The following ISLR2 variants were observed in gnomAD, a reference collection of about 807,000 sequenced individuals.
ISLR2 encodes the protein immunoglobulin superfamily containing leucine rich repeat 2.
A neutral mutation model predicts 25.5 loss-of-function variants in ISLR2; 16 were observed. The ratio of observed to expected loss-of-function variants is 0.63; its 90% CI spans 0.43 to 0.95. ISLR2 has a LOEUF of 0.95. ISLR2 is among the 40% of genes least tolerant of loss of function. ISLR2 has a pLI of 0.00. For missense variants in ISLR2, 883 were observed against 1,030.7 expected (o/e 0.86, Z 1.96); for synonymous variants, 508 against 486.6 (o/e 1.04, Z -0.58).
Position 74,121,229 on chromosome 15 carries a change from G to A in ISLR2, n.229-9978G>A, listed in dbSNP as rs553858597. Among the ~76,000 whole-genome samples, 16 of 152,240 alleles carry A rather than the reference G, an allele frequency of 1.1e-4. No homozygotes were observed. The East Asian group carries it at 1.4e-3, about 13-fold the overall frequency. On this transcript the variant is annotated intron_variant and non_coding_transcript_variant, in intron 2 of 3. Coordinates refer to the ISLR2 transcript ENST00000561975. ...GCCTGCACGGGGCTACCAGACAGCC[G>A]GAAGATATGTGGGTTGGACACAGTG...
chr15:74,102,414 ATAAAGT>A (rs1373410183), intron 1 of ISLR2, among the ~76,000 whole-genome samples: 11 of 140,316 alleles, frequency 7.8e-5, no homozygotes, highest in African/African-American at 2.7e-4. Context: ...AAATTCAGAA[ATAAAGT>A]TAAAAGGTGG....
downstream of ISLR2, chr15:74,138,662 T>C (rs748220150): frequency 6.6e-6 from 1 of 152,216 alleles, no homozygotes; most frequent in Non-Finnish European, 1.5e-5. Flanking sequence ...CCAAGAACTG[T>C]CAACAGCCCG....
At chr15:74,105,763 G>C (rs1215258331) in intron 2 of ISLR2, among the ~76,000 whole-genome samples, 5 of 152,054 alleles carry the variant, frequency 3.3e-5, no homozygotes, top group Admixed American at 1.3e-4. Context: ...CACCATTCCT[G>C]GAGGAAAAGC....
chr15:74,116,239 C>T (rs117223627), intron 2 of ISLR2, among the ~76,000 whole-genome samples: 2,019 of 151,962 alleles, frequency 0.013, 88 homozygotes, highest in East Asian at 0.12. Flanking sequence ...AAAGTTAACT[C>T]TGCAGATATG....
upstream of ISLR2, chr15:74,127,861 G>C (rs2072319462): frequency 1.3e-5 from 2 of 152,568 alleles, 1 homozygote; most frequent in Admixed American, 1.3e-4. Flanking sequence ...AAGCGGCCAG[G>C]GGCTCCAGCT....
chr15:74,133,852 G>A lies in ISLR2; in HGVS notation c.1098G>A (p.Thr366=), dbSNP rs747242170. The change falls in exon 3 of 3, where the codon ACG becomes ACA. Residue 366 remains threonine, a synonymous_variant. Transcript: ENST00000453268. ...ACAATGAGCTGGGCGCCAACTCTAC[G>A]TCAATACGCGTGGCGGTGGCAGCAA... The part of the protein sequence containing the change: ...RAHNELGANS[T]SIRVAVAATG... The A allele has an allele frequency of 1.2e-6, 2 of 1,613,258 alleles. No homozygotes were observed. The highest frequency in any genetic ancestry group is 1.7e-6 in the Non-Finnish European group (2 of 1,179,786).
In ISLR2 at chr15:74,118,964, A is replaced by T. The variant is rs149000246; in HGVS notation, n.229-12243A>T. ...GAGCCACCGCACCTGGCCTGCTTTT[A>T]TTATTTTTAATCTACACATAATTGT... On this transcript the variant is annotated intron_variant and non_coding_transcript_variant, in intron 2 of 3. Transcript: ENST00000561975. 6.7e-4 allele frequency among the ~76,000 whole-genome samples: 102 copies of T among 151,828 alleles called. 2 individuals carry two copies. The East Asian group carries it at 0.019, about 29-fold the overall frequency.
chr15:74,137,577 A>G (rs916759951), downstream of ISLR2, among the ~76,000 whole-genome samples: 1 of 152,252 alleles, frequency 6.6e-6, no homozygotes, highest in Non-Finnish European at 1.5e-5. Context: ...CAGGGGGATC[A>G]AGAAAGGAGA....
At chr15:74,117,324 T>G (rs2072218378) in intron 2 of ISLR2, among the ~76,000 whole-genome samples, 1 of 152,120 alleles carries the variant, frequency 6.6e-6, no homozygotes, top group South Asian at 2.1e-4. Context: ...GAAAACTGGG[T>G]AGGAAATTGC....
At position 74,133,306 on chromosome 15, in the gene ISLR2, C is replaced by T. The variant is rs2072472040; in HGVS notation, c.552C>T (p.His184=). 1 of 1,610,246 alleles carries T rather than the reference C, an allele frequency of 6.2e-7. No individual in the cohort carries two copies. The highest frequency in any genetic ancestry group is 8.5e-7 in the Non-Finnish European group (1 of 1,179,916). The change falls in exon 3 of 3, where the codon CAC becomes CAT. Residue 184 remains histidine (H), a synonymous_variant. Coordinates refer to ENST00000453268, the MANE Select transcript of ISLR2 (RefSeq NM_020851.3). ...TGCAACTCTATCACAATCCCTTCCA[C>T]TGCGGCTGCGGCCTTGTGTGGCTGC... is the stretch of plus-strand genomic sequence containing the variant. The part of the protein sequence containing the change: ...SHLQLYHNPF[H]CGCGLVWLQA...
At position 74,134,734 on chromosome 15, in the gene ISLR2, AGGCGGCGAGGCG is replaced by A. The variant is rs1263227527; in HGVS notation, c.1991_2002del (p.Ala664_Glu667del). On this transcript the variant is annotated inframe_deletion, in exon 3 of 3. Transcript: ENST00000453268. ...TCGAGTCCGAGAAAAGCTACCCGGC[AGGCGGCGAGGCG>A]GGCGGCGAGGAGCCAGAGGACGTGC... is the stretch of plus-strand genomic sequence containing the variant. 1.1e-5 allele frequency: 18 copies of A among 1,613,768 alleles called. No homozygotes were observed. In the African/African-American group the frequency reaches 2.4e-4, roughly 22 times the overall value.
At position 74,136,641 on chromosome 15, in the gene ISLR2, GAAAGAAAGCGT is replaced by G; in HGVS notation, c.*1650_*1660del. ...GGGGCGGGGTTCTTTTTTCCATTTT[GAAAGAAAGCGT>G]CGGGGTTGGGGTGGGGGGAGTTTCA... On this transcript the variant is annotated 3_prime_UTR_variant, in exon 3 of 3. Transcript: ENST00000453268. The G allele has an allele frequency of 6.2e-6, 1 of 161,734 alleles. No homozygotes were observed. The highest frequency in any genetic ancestry group is 6.6e-5 in the Admixed American group (1 of 15,250). The allele number at this position is 161,734 out of a possible 1,614,324, so 10.0% of individuals were successfully genotyped here.
At position 74,134,314 on chromosome 15, in the gene ISLR2, G is replaced by A. The variant is rs943408561; in HGVS notation, c.1560G>A (p.Pro520=). 2 of 1,528,732 alleles carry A rather than the reference G, an allele frequency of 1.3e-6. No individual in the cohort carries two copies. Among genetic ancestry groups the A allele is most frequent in the African/African-American group, 2.8e-5 (2 of 72,216 alleles). 94.7% of individuals were successfully genotyped at this position (1,528,732 alleles called of 1,614,324 possible). A position where few individuals can be genotyped will look rare whatever the true frequency, so the allele number is the denominator to read the frequency against. The part of the protein sequence containing the change: ...GPGPGGAGGA[P]RPGRRPLRLL... ...GGCCCGGCGGGGCTGGCGGAGCCCC[G>A]CGACCCGGGCGGCGACCCCTGCGCC... is the stretch of plus-strand genomic sequence containing the variant. The change falls in exon 3 of 3, where the codon CCG becomes CCA. Residue 520 remains proline, a synonymous_variant. Transcript: ENST00000453268.
At chr15:74,107,049 T>C (rs1436429820) in intron 2 of ISLR2, among the ~76,000 whole-genome samples, 2 of 151,904 alleles carry the variant, frequency 1.3e-5, no homozygotes, top group Admixed American at 6.6e-5. Context: ...AGGAGGTGCC[T>C]GCTGGAGGGA....
intron 2 of ISLR2, among the ~76,000 whole-genome samples, chr15:74,122,191 C>T (rs951975844): frequency 1.3e-5 from 2 of 152,248 alleles, no homozygotes; most frequent in African/African-American, 4.8e-5. Flanking sequence ...TGCTCTGTGA[C>T]CTCTCTTTGG....
At chr15:74,107,376 C>CAGGGCAGGGGCAGGG (rs894180873) in intron 2 of ISLR2, among the ~76,000 whole-genome samples, 1 of 152,184 alleles carries the variant, frequency 6.6e-6, no homozygotes, top group African/African-American at 2.4e-5. Flanking sequence ...GCAGGTGGGC[C>CAGGGCAGGGGCAGGG]CAGCAGGCTG....
intron 2 of ISLR2, among the ~76,000 whole-genome samples, chr15:74,114,145 C>T (rs571928978): frequency 3.7e-4 from 57 of 152,214 alleles, no homozygotes; most frequent in Middle Eastern, 3.2e-3. Context: ...AAAAACACAG[C>T]AGTCACTTCA....
intron 2 of ISLR2, among the ~76,000 whole-genome samples, chr15:74,118,928 A>T (rs2072231986): frequency 6.6e-6 from 1 of 152,042 alleles, no homozygotes. Flanking sequence ...GAGTGCTCGG[A>T]TTACCAGTCT....
At chr15:74,111,438 C>T (rs1221064243) in intron 2 of ISLR2, among the ~76,000 whole-genome samples, 2 of 151,842 alleles carry the variant, frequency 1.3e-5, no homozygotes, top group Non-Finnish European at 2.9e-5. Context: ...TACAGGCGTG[C>T]ACCATCATGC....
Sources: gnomAD v4.1 joint callset for allele counts (sites outside exome capture counted in the v4.1 genomes callset) on GRCh38, gnomAD v4.1.1 for gene constraint, MANE v1.5 for transcripts, NCBI Gene and HGNC (gene_info 2026-07-23, HGNC 2026-07-21) for gene names.